XYLT1: variants seen among roughly 807,000 people sequenced by gnomAD.
XYLT1 encodes the protein beta-D-xylosyltransferase 1.
Under a neutral mutation model 91.3 loss-of-function variants are expected in XYLT1, and 36 were observed. That is an observed-to-expected ratio of 0.39 (90% CI 0.30 to 0.52). The LOEUF is 0.52. Ranked by LOEUF, XYLT1 falls within the 20% of genes least tolerant of loss-of-function variation. The probability of loss-of-function intolerance (pLI) is 0.68; values close to 1 mark genes in which losing one functional copy is unlikely to be tolerated. For missense variants in XYLT1, 1,242 were observed against 1,284.5 expected (o/e 0.97, Z 0.51); for synonymous variants, 588 against 532.0 (o/e 1.11, Z -1.45).
At chr16:17,415,520 T>A (rs954411965) in intron 1 of XYLT1, among the ~76,000 whole-genome samples, 1 of 152,174 alleles carries the variant, frequency 6.6e-6, no homozygotes, top group African/African-American at 2.4e-5. Flanking sequence ...TGAAACCCCA[T>A]CTCCACTAAA....
intron 1 of XYLT1, among the ~76,000 whole-genome samples, chr16:17,437,050 T>A (rs745976951): frequency 3.9e-5 from 6 of 152,184 alleles, no homozygotes; most frequent in South Asian, 2.1e-4. Context: ...TGAATCCTCA[T>A]GAGAACCTTC....
At chr16:17,269,112 G>C (rs1478316922) in intron 2 of XYLT1, among the ~76,000 whole-genome samples, 3 of 152,112 alleles carry the variant, frequency 2.0e-5, no homozygotes, top group Non-Finnish European at 2.9e-5. Context: ...TTTCTACTGG[G>C]CCTCTCAGCT....
chr16:17,351,744 T>TC lies in XYLT1; in HGVS notation c.402+6267_402+6268insG, dbSNP rs879481811. On this transcript the variant is annotated intron_variant, in intron 2 of 11. Coordinates refer to ENST00000261381, the MANE Select transcript of XYLT1 (RefSeq NM_022166.4). The stretch of plus-strand genomic sequence containing the variant: ...TGCCACTACTGACATTTGAGGCTTT[T>TC]TTTTTGGGGGGGGGTGCTTTCCTGT... Among the ~76,000 whole-genome samples the TC allele has an allele frequency of 1.4e-3, 175 of 124,026 alleles. 1 individual carries two copies. Among genetic ancestry groups the TC allele is most frequent in the Non-Finnish European group, 1.9e-3 (117 of 62,006 alleles). The allele number at this position is 124,026 out of a possible 152,430, so 81.4% of individuals were successfully genotyped here.
Position 17,464,081 on chromosome 16 carries a change from G to A in XYLT1, c.363+6353C>T, listed in dbSNP as rs149773078. 2.0e-3 allele frequency among the ~76,000 whole-genome samples: 302 copies of A among 151,676 alleles called. 1 individual carries two copies. Among genetic ancestry groups the A allele is most frequent in the African/African-American group, 6.9e-3 (283 of 40,968 alleles). Reference sequence around the variant, plus strand: ...GTAGATAGGTGATTAGGGGAGTAGGGAGGAAGATGTTGATTGGAAGGATAA... The same window carrying A: ...GTAGATAGGTGATTAGGGGAGTAGGAAGGAAGATGTTGATTGGAAGGATAA... On this transcript the variant is annotated intron_variant, in intron 1 of 11. Coordinates refer to ENST00000261381, the MANE Select transcript of XYLT1 (RefSeq NM_022166.4).
At chr16:17,369,657 A>T (rs1177051222) in intron 1 of XYLT1, 3 of 152,312 alleles carry the variant, frequency 2.0e-5, no homozygotes, top group South Asian at 2.1e-4. Flanking sequence ...GAAAAACTCA[A>T]ATAATCCATC....
intron 1 of XYLT1, among the ~76,000 whole-genome samples, chr16:17,397,321 G>A (rs2035899966): frequency 6.6e-6 from 1 of 152,122 alleles, no homozygotes; most frequent in Admixed American, 6.6e-5. Flanking sequence ...ATCACAGAAC[G>A]GTGGCTCATG....
At chr16:17,407,797 G>A (rs576747782) in intron 1 of XYLT1, among the ~76,000 whole-genome samples, 8 of 152,336 alleles carry the variant, frequency 5.3e-5, no homozygotes, top group Non-Finnish European at 1.2e-4. Context: ...CCTCCAAACC[G>A]CATGTTGAAA....
At chr16:17,202,797 A>C (rs931094383) in intron 3 of XYLT1, among the ~76,000 whole-genome samples, 3 of 151,484 alleles carry the variant, frequency 2.0e-5, no homozygotes, top group African/African-American at 7.3e-5. Flanking sequence ...CCAAGAGATG[A>C]GGGGCTATTT....
At chr16:17,287,749 G>T (rs758593731) in intron 2 of XYLT1, among the ~76,000 whole-genome samples, 1 of 152,120 alleles carries the variant, frequency 6.6e-6, no homozygotes, top group Non-Finnish European at 1.5e-5. Context: ...CAAGTGAGGA[G>T]CAGGGGAGGC....
rs544171183 is a variant in XYLT1 at position 17,282,149 on chromosome 16, T to G, written c.403-22651A>C. Among the ~76,000 whole-genome samples, 9 of 152,282 alleles carry G rather than the reference T, an allele frequency of 5.9e-5. No individual in the cohort carries two copies. The South Asian group carries it at 1.9e-3, about 32-fold the overall frequency. ...GTTCTAAGCACCCTGCATGGTCTAG[T>G]CCTTTTAAACTTCATGGCAGCCCTA... On this transcript the variant is annotated intron_variant, in intron 2 of 11. Transcript: ENST00000261381.
chr16:17,248,816 C>T (rs1224959838), intron 3 of XYLT1, among the ~76,000 whole-genome samples: 5 of 145,616 alleles, frequency 3.4e-5, no homozygotes, highest in African/African-American at 1.3e-4. Flanking sequence ...GGTGCAATCT[C>T]AGCTCACTGC....
chr16:17,124,865 T>G (rs2030203687), intron 10 of XYLT1, among the ~76,000 whole-genome samples: 1 of 152,222 alleles, frequency 6.6e-6, no homozygotes. Context: ...AGTTCTTTCT[T>G]TTACTCGTTT....
chr16:17,246,657 C>T (rs984986942), intron 3 of XYLT1, among the ~76,000 whole-genome samples: 2 of 152,144 alleles, frequency 1.3e-5, no homozygotes, highest in Middle Eastern at 3.2e-3. Flanking sequence ...GCAGGAGTCG[C>T]GATGAGATCA....
At chr16:17,467,818 T>G (rs568757207) in intron 1 of XYLT1, among the ~76,000 whole-genome samples, 1 of 152,160 alleles carries the variant, frequency 6.6e-6, no homozygotes, top group Non-Finnish European at 1.5e-5. Flanking sequence ...ACAGGTTCCC[T>G]CTACATGCAA....
chr16:17,205,918 A>G (rs1028128305), intron 3 of XYLT1, among the ~76,000 whole-genome samples: 1 of 151,992 alleles, frequency 6.6e-6, no homozygotes, highest in Non-Finnish European at 1.5e-5. Flanking sequence ...TCCAACTAAG[A>G]GGGTTAGTTG....
chr16:17,151,449 G>A (rs2141532599), intron 6 of XYLT1, among the ~76,000 whole-genome samples: 1 of 152,198 alleles, frequency 6.6e-6, no homozygotes, highest in African/African-American at 2.4e-5. Context: ...CCCAACTTTG[G>A]AGTCACTCTG....
chr16:17,283,433 A>G (rs1239730888), intron 2 of XYLT1, among the ~76,000 whole-genome samples: 1 of 152,186 alleles, frequency 6.6e-6, no homozygotes, highest in Non-Finnish European at 1.5e-5. Flanking sequence ...CAAACACAGC[A>G]AAGTCCAGGT....
intron 3 of XYLT1, among the ~76,000 whole-genome samples, chr16:17,201,186 T>C (rs1420364088): frequency 6.6e-6 from 1 of 152,232 alleles, no homozygotes; most frequent in Non-Finnish European, 1.5e-5. Flanking sequence ...TACAATGTTG[T>C]ACAGCAGGAT....
intron 2 of XYLT1, among the ~76,000 whole-genome samples, chr16:17,346,027 T>G (rs1295221833): frequency 2.0e-5 from 3 of 152,114 alleles, no homozygotes; most frequent in Non-Finnish European, 4.4e-5. Context: ...GTCAGGCTGG[T>G]CTTGAACACC....
Sources: gnomAD v4.1 joint callset for allele counts (sites outside exome capture counted in the v4.1 genomes callset) on GRCh38, gnomAD v4.1.1 for gene constraint, MANE v1.5 for transcripts, NCBI Gene and HGNC (gene_info 2026-07-23, HGNC 2026-07-21) for gene names.